MAN2A1: variants seen among roughly 807,000 people sequenced by gnomAD.
MAN2A1 encodes mannosidase alpha class 2A member 1, also known as alpha-mannosidase 2.
A neutral mutation model predicts 142.6 loss-of-function variants in MAN2A1; 76 were observed. The observed-to-expected ratio is 0.53, with a 90% CI of 0.44 to 0.65. The LOEUF is 0.65. MAN2A1 is among the 30% of genes least tolerant of loss of function. The pLI is 0.00. For synonymous variants in MAN2A1, 559 were observed against 473.2 expected, an observed-to-expected ratio of 1.18 and a Z score of -2.35; for missense variants, 1,311 against 1,365.1, an observed-to-expected ratio of 0.96 and a Z score of 0.62.
chr5:109,764,434 T>G (rs1241266646), intron 5 of MAN2A1, among the ~76,000 whole-genome samples: 2 of 152,176 alleles, frequency 1.3e-5, no homozygotes, highest in African/African-American at 4.8e-5. Flanking sequence ...AAATGTGCCC[T>G]CTTTATAAAA....
intron 1 of MAN2A1, 103 bp downstream of exon 1, chr5:109,690,655 C>G: frequency 7.6e-7 from 1 of 1,321,160 alleles, no homozygotes; most frequent in South Asian, 1.3e-5. Flanking sequence ...GGCCCCACAC[C>G]CGTGCTGGGC....
chr5:109,705,129 AT>A (rs920235072), intron 1 of MAN2A1, among the ~76,000 whole-genome samples: 3 of 151,570 alleles, frequency 2.0e-5, no homozygotes, highest in African/African-American at 4.9e-5. Context: ...CTCAATGCCA[AT>A]TTTTTTTCCT....
intron 1 of MAN2A1, among the ~76,000 whole-genome samples, chr5:109,706,001 C>G (rs1751119838): frequency 6.6e-6 from 1 of 152,158 alleles, no homozygotes; most frequent in Non-Finnish European, 1.5e-5. Context: ...CAGTGAAATT[C>G]CTTTTGTCAT....
Position 109,866,986 on chromosome 5 carries a change from C to T in MAN2A1, c.3423C>T (p.Ile1141=), listed in dbSNP as rs767708370. The change falls in exon 22 of 22, where the codon ATC becomes ATT. Residue 1141 remains isoleucine, a synonymous_variant. Coordinates refer to ENST00000261483, the MANE Select transcript of MAN2A1 (RefSeq NM_002372.4). ...LSPMEISTFR[I]QLR ...CAATGGAAATCAGCACATTCCGAAT[C>T]CAGTTGAGGTGAACCTGACTTTCAC... 1 of 1,608,220 alleles carries T rather than the reference C, an allele frequency of 6.2e-7. No homozygotes were observed. The highest frequency in any genetic ancestry group is 1.7e-5 in the Admixed American group (1 of 59,072).
intron 8 of MAN2A1, among the ~76,000 whole-genome samples, chr5:109,775,224 GTTGTGATATTTAGTC>G (rs1753251432): frequency 6.6e-6 from 1 of 152,112 alleles, no homozygotes; most frequent in Non-Finnish European, 1.5e-5. Flanking sequence ...TACCTACCAA[GTTGTGATATTTAGTC>G]TTCAGGGACT....
chr5:109,742,562 A>G (rs1370821301), intron 4 of MAN2A1, among the ~76,000 whole-genome samples: 1 of 152,206 alleles, frequency 6.6e-6, no homozygotes, highest in Non-Finnish European at 1.5e-5. Flanking sequence ...TAAGAATCCA[A>G]ACTTAACTAA....
At chr5:109,787,830 A>G (rs1439413137) in intron 10 of MAN2A1, among the ~76,000 whole-genome samples, 1 of 151,928 alleles carries the variant, frequency 6.6e-6, no homozygotes, top group Non-Finnish European at 1.5e-5. Context: ...TGGTGAAAAC[A>G]CTTAATGCTG....
intron 4 of MAN2A1, among the ~76,000 whole-genome samples, chr5:109,737,748 T>C (rs141976711): frequency 4.6e-5 from 7 of 152,284 alleles, no homozygotes; most frequent in African/African-American, 7.2e-5. Context: ...CTAATAAAGA[T>C]GCTAATCCAG....
At chr5:109,826,463 T>TA (rs1754763184) in intron 16 of MAN2A1, among the ~76,000 whole-genome samples, 1 of 151,998 alleles carries the variant, frequency 6.6e-6, no homozygotes, top group African/African-American at 2.4e-5. Context: ...TGGTAGGAAA[T>TA]AGAGATACCA....
intron 4 of MAN2A1, among the ~76,000 whole-genome samples, chr5:109,732,807 G>A (rs1374442850): frequency 2.0e-5 from 3 of 151,838 alleles, no homozygotes; most frequent in Non-Finnish European, 4.4e-5. Context: ...GATGCCTCCA[G>A]CTTTGTTCTT....
At chr5:109,845,116 A>G (rs7700520) in intron 17 of MAN2A1, among the ~76,000 whole-genome samples, 100,015 of 152,070 alleles carry the variant, frequency 0.66, 33,561 homozygotes, top group East Asian at 0.92. Context: ...TCACTTTTAT[A>G]TCCAACTTTC....
rs1751369754 is a variant in MAN2A1 at position 109,713,708 on chromosome 5, C to G, written c.324C>G (p.Ser108=). 6.2e-7 allele frequency: 1 copy of G among 1,614,130 alleles called. No individual in the cohort carries two copies. Among genetic ancestry groups the G allele is most frequent in the Non-Finnish European group, 8.5e-7 (1 of 1,179,968 alleles). The part of the protein sequence containing the change: ...AGSHLLPSQL[S]LSVDTADCLF... The stretch of plus-strand genomic sequence containing the variant: ...CACATCTTCTGCCCTCACAATTATC[C>G]CTCTCAGTTGACACTGCAGACTGTC... Residue 108 remains serine (S), a synonymous_variant, in exon 2 of 22, where the codon TCC becomes TCG. Coordinates refer to ENST00000261483, the MANE Select transcript of MAN2A1 (RefSeq NM_002372.4).
chr5:109,837,999 T>G (rs1404246569), intron 16 of MAN2A1, among the ~76,000 whole-genome samples: 1 of 151,696 alleles, frequency 6.6e-6, no homozygotes, highest in Non-Finnish European at 1.5e-5. Context: ...AGAACTGGAA[T>G]GCAAAGATGG....
chr5:109,741,054 A>G (rs1304016055), intron 4 of MAN2A1, among the ~76,000 whole-genome samples: 4 of 152,206 alleles, frequency 2.6e-5, no homozygotes, highest in Non-Finnish European at 5.9e-5. Context: ...GGGACTGCAG[A>G]TTAGAATCTA....
chr5:109,704,085 A>G (rs897944693), intron 1 of MAN2A1, among the ~76,000 whole-genome samples: 33 of 152,142 alleles, frequency 2.2e-4, no homozygotes, highest in African/African-American at 8.0e-4. Flanking sequence ...CAGGGCTTGG[A>G]TCCTGTGTAG....
chr5:109,724,767 T>C (rs1751697878), intron 3 of MAN2A1, among the ~76,000 whole-genome samples: 1 of 152,124 alleles, frequency 6.6e-6, no homozygotes, highest in Non-Finnish European at 1.5e-5. Flanking sequence ...GGGTGCCTTC[T>C]TAGGGATGGG....
chr5:109,804,737 TTTG>T (rs1335166828), intron 12 of MAN2A1, among the ~76,000 whole-genome samples: 5 of 152,256 alleles, frequency 3.3e-5, no homozygotes, highest in African/African-American at 1.2e-4. Flanking sequence ...CTAGTAAAAA[TTTG>T]TTGTTTTCTC....
intron 1 of MAN2A1, among the ~76,000 whole-genome samples, chr5:109,712,013 A>C (rs541031380): frequency 6.6e-5 from 10 of 151,866 alleles, no homozygotes; most frequent in Non-Finnish European, 1.2e-4. Context: ...CTTCTCTAGC[A>C]TCAGGCTGTA....
At chr5:109,720,409 G>A (rs1751567999) in intron 3 of MAN2A1, among the ~76,000 whole-genome samples, 1 of 152,036 alleles carries the variant, frequency 6.6e-6, no homozygotes, top group Admixed American at 6.6e-5. Context: ...AGAAACAGAT[G>A]TTTGCATTTA....
Sources: gnomAD v4.1 joint callset for allele counts (sites outside exome capture counted in the v4.1 genomes callset) on GRCh38, gnomAD v4.1.1 for gene constraint, MANE v1.5 for transcripts, NCBI Gene and HGNC (gene_info 2026-07-23, HGNC 2026-07-21) for gene names.